The following ELAVL3 variants were observed in gnomAD, a reference collection of about 807,000 sequenced individuals.
ELAVL3 encodes the protein ELAV-like protein 3.
A neutral mutation model predicts 34.2 loss-of-function variants in ELAVL3; 8 were observed. The ratio of observed to expected loss-of-function variants is 0.23; its 90% CI spans 0.14 to 0.42. ELAVL3 has a LOEUF of 0.42. Ranked by LOEUF, ELAVL3 falls within the 10% of genes least tolerant of loss-of-function variation. The probability of loss-of-function intolerance (pLI) is 1.00; values close to 1 mark genes in which losing one functional copy is unlikely to be tolerated. For missense variants in ELAVL3, 273 were observed against 518.8 expected (o/e 0.53, Z 4.60); for synonymous variants, 209 against 222.1 (o/e 0.94, Z 0.53).
At chr19:11,467,161 G>A (rs1011148881) in intron 1 of ELAVL3, among the ~76,000 whole-genome samples, 5 of 152,100 alleles carry the variant, frequency 3.3e-5, no homozygotes, top group Admixed American at 1.3e-4. Flanking sequence ...AGTGGCTCAC[G>A]CCCCTAATCT....
intron 3 of ELAVL3, among the ~76,000 whole-genome samples, chr19:11,462,865 G>C (rs1378664643): frequency 3.3e-5 from 5 of 151,458 alleles, no homozygotes; most frequent in Non-Finnish European, 7.4e-5. Context: ...GGGAGGCTGA[G>C]GCAGGAGAAT....
intron 3 of ELAVL3, among the ~76,000 whole-genome samples, chr19:11,459,216 G>A (rs1387070794): frequency 4.0e-5 from 6 of 150,608 alleles, no homozygotes; most frequent in Admixed American, 6.7e-5. Flanking sequence ...TCTGCTTACC[G>A]GGTTCAAGCA....
At chr19:11,462,334 T>C (rs981630818) in intron 3 of ELAVL3, among the ~76,000 whole-genome samples, 1 of 151,786 alleles carries the variant, frequency 6.6e-6, no homozygotes, top group Non-Finnish European at 1.5e-5. Flanking sequence ...TCCATAATAA[T>C]GATTTTTAAA....
intron 1 of ELAVL3, among the ~76,000 whole-genome samples, chr19:11,467,428 T>C (rs1971076906): frequency 1.3e-5 from 2 of 151,896 alleles, no homozygotes; most frequent in Non-Finnish European, 2.9e-5. Context: ...ATCTTAAAAA[T>C]AAAATAAAAT....
At chr19:11,465,643 C>T (rs997215446) in intron 3 of ELAVL3, among the ~76,000 whole-genome samples, 8 of 152,140 alleles carry the variant, frequency 5.3e-5, no homozygotes, top group African/African-American at 7.2e-5. Context: ...AGGGCGGAGC[C>T]CAAACACCCC....
In ELAVL3 at chr19:11,466,861, A is replaced by G; in HGVS notation, c.10-34T>C. ...AACAGGTCGCATCCGCTCACCGCCC[A>G]GTCCCCACACCAGGGGCCTGCGGCA... On this transcript the variant is annotated intron_variant, in intron 1 of 6. Coordinates refer to ENST00000359227, the MANE Select transcript of ELAVL3 (RefSeq NM_001420.4). This position sits in a 1 kb window ranked among gnomAD's most constrained non-coding sequence, Gnocchi z 5.0. The G allele has an allele frequency of 3.2e-6, 5 of 1,545,410 alleles. No homozygotes were observed. Among genetic ancestry groups the G allele is most frequent in the Middle Eastern group, 1.7e-4 (1 of 5,922 alleles).
In ELAVL3 at chr19:11,465,129, A is replaced by G. The variant is rs541291290; in HGVS notation, c.333+1043T>C. The stretch of plus-strand genomic sequence containing the variant: ...ATACACATACACCACACACATACAC[A>G]CCACACACATACACATACACACCAC... On this transcript the variant is annotated intron_variant, in intron 3 of 6. Transcript: ENST00000359227. 1.1e-4 allele frequency among the ~76,000 whole-genome samples: 16 copies of G among 143,912 alleles called. No homozygotes were observed. The South Asian group carries it at 3.5e-3, about 31-fold the overall frequency. The allele number at this position is 143,912 out of a possible 152,430, so 94.4% of individuals were successfully genotyped here. A position where few individuals can be genotyped will look rare whatever the true frequency, so the allele number is the denominator to read the frequency against.
At chr19:11,468,589 G>A (rs1020201708) in intron 1 of ELAVL3, among the ~76,000 whole-genome samples, 1 of 151,002 alleles carries the variant, frequency 6.6e-6, no homozygotes, top group Non-Finnish European at 1.5e-5. Context: ...AAATTTTTTT[G>A]TGTGTTTTTA....
intron 3 of ELAVL3, among the ~76,000 whole-genome samples, chr19:11,465,593 C>T (rs907022576): frequency 6.6e-6 from 1 of 152,006 alleles, no homozygotes; most frequent in South Asian, 2.1e-4. Context: ...GGGCCACCCC[C>T]CCGACCCTGG....
At chr19:11,469,833 G>A (rs978907385) in intron 1 of ELAVL3, among the ~76,000 whole-genome samples, 1 of 152,140 alleles carries the variant, frequency 6.6e-6, no homozygotes, top group African/African-American at 2.4e-5. Flanking sequence ...CAAGGTGGAC[G>A]GATTGCTTGA....
At chr19:11,469,292 G>GGA (rs1266245720) in intron 1 of ELAVL3, among the ~76,000 whole-genome samples, 2 of 151,490 alleles carry the variant, frequency 1.3e-5, no homozygotes, top group East Asian at 3.9e-4. Context: ...TTTTTGCGCG[G>GGA]GAGGGGGGAC....
In ELAVL3 at chr19:11,454,418, G is replaced by C; in HGVS notation, c.*108C>G. ...GACGTGGGGCCCTCGCGTCGTCCGT[G>C]GGGCTGCCTGTGCTGTCTCTCTTGG... On this transcript the variant is annotated 3_prime_UTR_variant, in exon 7 of 7. Transcript: ENST00000359227. The surrounding 1 kb of genome is among the most constrained non-coding windows in gnomAD (Gnocchi z 9.2). The C allele has an allele frequency of 8.8e-7, 1 of 1,134,656 alleles. No individual in the cohort carries two copies. Among genetic ancestry groups the C allele is most frequent in the Non-Finnish European group, 1.2e-6 (1 of 821,710 alleles). The allele number at this position is 1,134,656 out of a possible 1,614,324, so 70.3% of individuals were successfully genotyped here.
At chr19:11,456,819 G>A (rs144725147) in intron 6 of ELAVL3, among the ~76,000 whole-genome samples, 202 of 152,002 alleles carry the variant, frequency 1.3e-3, no homozygotes, top group African/African-American at 4.6e-3. Context: ...ATGCACCACC[G>A]TATCAGGCTA....
At position 11,466,059 on chromosome 19, in the gene ELAVL3, A is replaced by C. The variant is rs1971046277; in HGVS notation, c.333+113T>G. 2.1e-6 allele frequency: 2 copies of C among 933,332 alleles called. No individual in the cohort carries two copies. The highest frequency in any genetic ancestry group is 4.1e-5 in the Admixed American group (2 of 48,648). The allele number at this position is 933,332 out of a possible 1,614,324, so 57.8% of individuals were successfully genotyped here. ...GGAGATTTGAGCCCCTCTGGGGATGAGTCCTGAAAGGCAGTGGACATGGAT... is the reference window on the plus strand; with the variant it reads ...GGAGATTTGAGCCCCTCTGGGGATGCGTCCTGAAAGGCAGTGGACATGGAT... On this transcript the variant is annotated intron_variant, in intron 3 of 6. Coordinates refer to ENST00000359227, the MANE Select transcript of ELAVL3 (RefSeq NM_001420.4). This position sits in a 1 kb window ranked among gnomAD's most constrained non-coding sequence, Gnocchi z 5.0.
chr19:11,480,521 G>A lies in ELAVL3; in HGVS notation c.9+79C>T, dbSNP rs1971356593. 11 of 888,086 alleles carry A rather than the reference G, an allele frequency of 1.2e-5. No homozygotes were observed. In the African/African-American group the frequency reaches 1.5e-4, roughly 12 times the overall value. 55.0% of individuals were successfully genotyped at this position (888,086 alleles called of 1,614,324 possible). On this transcript the variant is annotated intron_variant, in intron 1 of 6. Coordinates refer to ENST00000359227, the MANE Select transcript of ELAVL3 (RefSeq NM_001420.4). The surrounding 1 kb of genome is among the most constrained non-coding windows in gnomAD (Gnocchi z 6.8). ...TAGGCCTGGTCCTACCCCCCCCGCC[G>A]CACCCGCCCAATCTCCGCGGAGCCT...
chr19:11,464,856 ACACACACAC>A (rs1194391431), intron 3 of ELAVL3, among the ~76,000 whole-genome samples: 2 of 118,326 alleles, frequency 1.7e-5, no homozygotes, highest in East Asian at 5.1e-4. Context: ...CACATACACA[ACACACACAC>A]CACACACACA....
intron 3 of ELAVL3, among the ~76,000 whole-genome samples, chr19:11,465,664 C>G (rs1269007772): frequency 2.0e-5 from 3 of 152,144 alleles, no homozygotes; most frequent in East Asian, 3.9e-4. Flanking sequence ...CAGGCGAACC[C>G]AGAGAGGGGG....
rs921030116 is a variant in ELAVL3, at chr19:11,474,518, G to A, written c.9+6082C>T. On this transcript the variant is annotated intron_variant, in intron 1 of 6. Transcript: ENST00000359227. ...AGGCTGAGGCAGAATTGCTTGGGAAGCAGAGGTTGCAGTGAGTTGAGACTG... is the reference window on the plus strand; with the variant it reads ...AGGCTGAGGCAGAATTGCTTGGGAAACAGAGGTTGCAGTGAGTTGAGACTG... 3.3e-5 allele frequency among the ~76,000 whole-genome samples: 5 copies of A among 152,068 alleles called. No homozygotes were observed. In the East Asian group the frequency reaches 5.8e-4, roughly 18 times the overall value.
Position 11,466,141 on chromosome 19 carries a change from G to A in ELAVL3, c.333+31C>T. 6.2e-7 allele frequency: 1 copy of A among 1,602,602 alleles called. No homozygotes were observed. The highest frequency in any genetic ancestry group is 1.3e-5 in the African/African-American group (1 of 74,724). On this transcript the variant is annotated intron_variant, in intron 3 of 6. Coordinates refer to ENST00000359227, the MANE Select transcript of ELAVL3 (RefSeq NM_001420.4). The surrounding 1 kb of genome is among the most constrained non-coding windows in gnomAD (Gnocchi z 5.0). ...TGGGGACAGTCAGTTGGGGTGGGCGGTCATGGGGGATTGGAGAAGGAGGCA... is the reference window on the plus strand; with the variant it reads ...TGGGGACAGTCAGTTGGGGTGGGCGATCATGGGGGATTGGAGAAGGAGGCA...
Sources: gnomAD v4.1 joint callset for allele counts (sites outside exome capture counted in the v4.1 genomes callset) on GRCh38, gnomAD v4.1.1 for gene constraint, Gnocchi (gnomAD v3.1) non-coding constraint, MANE v1.5 for transcripts, NCBI Gene and HGNC (gene_info 2026-07-23, HGNC 2026-07-21) for gene names.